Variants in TMEM17 observed in about 807,000 individuals in gnomAD.
The protein encoded by TMEM17 is transmembrane protein 17.
In TMEM17, 15 loss-of-function variants were observed where a neutral mutation model predicts 19.1. That is an observed-to-expected ratio of 0.78 (90% confidence interval 0.52 to 1.21). The LOEUF is 1.21. TMEM17 is among the 50% of genes most tolerant of loss of function. TMEM17 has a pLI of 0.00. For synonymous variants in TMEM17, 103 were observed against 86.9 expected (o/e 1.19, Z -1.03); for missense variants, 245 against 242.3 (o/e 1.01, Z -0.07).
At chr2:62,472,225 C>T in the TMEM17 span, among the ~76,000 whole-genome samples, 14 of 152,192 alleles carry the variant, frequency 9.2e-5, no homozygotes, top group African/African-American at 3.1e-4. Flanking sequence ...AAGTATTTTC[C>T]AACAAAAGCT....
the TMEM17 span, among the ~76,000 whole-genome samples, chr2:62,485,823 C>G: frequency 6.6e-6 from 1 of 152,204 alleles, no homozygotes; most frequent in Admixed American, 6.5e-5. Context: ...GTGTCTGCCC[C>G]AATCAGTGAA....
intron 1 of TMEM17, 65 bp from the exon 2 acceptor site, chr2:62,502,859 C>G: frequency 2.2e-6 from 2 of 906,858 alleles, no homozygotes; most frequent in Non-Finnish European, 3.3e-6. Context: ...TATATATATC[C>G]TATTCCCTAG....
Position 62,502,507 on chromosome 2 carries a change from A to G in TMEM17, c.248T>C (p.Val83Ala), listed in dbSNP as rs1679954661. 5.6e-6 allele frequency: 9 copies of G among 1,612,932 alleles called. No individual in the cohort carries two copies. Among genetic ancestry groups the G allele is most frequent in the Non-Finnish European group, 7.6e-6 (9 of 1,179,230 alleles). The change falls in exon 3 of 4, where the codon GTT (valine) becomes GCT (alanine). Residue 83 changes from valine to alanine, a missense_variant. Physicochemically the swap from Val to Ala is moderately conservative, Grantham distance 64. Transcript: ENST00000335390. ...PDYYKFIVITVIILITLIEAI... is the reference protein window; with the variant it reads ...PDYYKFIVITAIILITLIEAI... ...TTCAATTAAGGTTATTAGGATGATA[A>G]CAGTGATCACAATGAATTTGTAGTA...
At chr2:62,498,260 G>A (rs571604941), downstream of TMEM17, among the ~76,000 whole-genome samples, 17 of 152,046 alleles carry the variant, frequency 1.1e-4, no homozygotes, top group African/African-American at 3.9e-4. Flanking sequence ...GGTGGCAGGT[G>A]CCTGTAATCC....
At chr2:62,456,575 C>T in the TMEM17 span, among the ~76,000 whole-genome samples, 1 of 152,220 alleles carries the variant, frequency 6.6e-6, no homozygotes, top group African/African-American at 2.4e-5. Context: ...TCCGTTTTGC[C>T]ATGTAGGGTA....
chr2:62,474,834 C>T, the TMEM17 span, among the ~76,000 whole-genome samples: 1 of 152,148 alleles, frequency 6.6e-6, no homozygotes, highest in Non-Finnish European at 1.5e-5. Flanking sequence ...TTCCTCATCT[C>T]GTTCCTTGCC....
chr2:62,503,794 C>G (rs1679995377), intron 1 of TMEM17, among the ~76,000 whole-genome samples: 2 of 152,180 alleles, frequency 1.3e-5, no homozygotes, highest in South Asian at 4.1e-4. Flanking sequence ...CAGTGAATAT[C>G]AAATACACAT....
At chr2:62,464,558 C>A in the TMEM17 span, among the ~76,000 whole-genome samples, 3 of 152,168 alleles carry the variant, frequency 2.0e-5, no homozygotes, top group African/African-American at 7.2e-5. Context: ...AAGTGCATAA[C>A]CTCCATCTAA....
chr2:62,491,169 C>T, the TMEM17 span: 2 of 147,334 alleles, frequency 1.4e-5, no homozygotes, highest in East Asian at 4.1e-4. Flanking sequence ...CGCAATAGAA[C>T]CTCAATTAGC....
At chr2:62,457,762 C>G in the TMEM17 span, among the ~76,000 whole-genome samples, 1 of 152,216 alleles carries the variant, frequency 6.6e-6, no homozygotes, top group East Asian at 1.9e-4. The surrounding 1 kb of genome is among the most constrained non-coding windows in gnomAD (Gnocchi z 4.2). Flanking sequence ...CTTAGTTTAA[C>G]TGGGTGCGCT....
At chr2:62,473,540 C>A in the TMEM17 span, among the ~76,000 whole-genome samples, 3 of 152,192 alleles carry the variant, frequency 2.0e-5, no homozygotes, top group Non-Finnish European at 2.9e-5. Context: ...CTTTACCCCT[C>A]TCCTCCCCAC....
At chr2:62,466,615 G>A in the TMEM17 span, among the ~76,000 whole-genome samples, 5 of 152,164 alleles carry the variant, frequency 3.3e-5, no homozygotes, top group African/African-American at 1.2e-4. Flanking sequence ...CCCTCCCTGA[G>A]CTGGCACACT....
chr2:62,504,692 A>C (rs993969067), intron 1 of TMEM17, among the ~76,000 whole-genome samples: 3 of 152,226 alleles, frequency 2.0e-5, no homozygotes, highest in African/African-American at 7.2e-5. Context: ...CATACAATAT[A>C]AATCAGGGAT....
the TMEM17 span, among the ~76,000 whole-genome samples, chr2:62,464,365 C>T: frequency 2.0e-5 from 3 of 152,252 alleles, no homozygotes; most frequent in Non-Finnish European, 2.9e-5. Flanking sequence ...TTCCAGCACT[C>T]GTGCACTCCA....
the TMEM17 span, among the ~76,000 whole-genome samples, chr2:62,468,685 T>C: frequency 6.6e-6 from 1 of 152,232 alleles, no homozygotes; most frequent in Non-Finnish European, 1.5e-5. Context: ...AAGACCCTTA[T>C]GGTTCAGCTG....
At chr2:62,482,487 G>T in the TMEM17 span, among the ~76,000 whole-genome samples, 6 of 152,180 alleles carry the variant, frequency 3.9e-5, no homozygotes, top group Admixed American at 2.0e-4. Flanking sequence ...TTCCTGTGGG[G>T]AACTCATCCA....
chr2:62,458,238 A>C, the TMEM17 span, among the ~76,000 whole-genome samples: 1 of 152,216 alleles, frequency 6.6e-6, no homozygotes, highest in Non-Finnish European at 1.5e-5. Context: ...TGTCAAGTCC[A>C]GCTGATGGGC....
At chr2:62,466,683 T>C in the TMEM17 span, among the ~76,000 whole-genome samples, 1 of 152,168 alleles carries the variant, frequency 6.6e-6, no homozygotes, top group African/African-American at 2.4e-5. Context: ...CCAGGCAGAA[T>C]AGACCAACTG....
At chr2:62,489,771 A>T in the TMEM17 span, among the ~76,000 whole-genome samples, 1 of 152,152 alleles carries the variant, frequency 6.6e-6, no homozygotes, top group Admixed American at 6.5e-5. Flanking sequence ...CCCAATTTGA[A>T]CTCTGTTAAA....
Sources: allele counts gnomAD v4.1 joint callset (sites outside exome capture counted in the v4.1 genomes callset), GRCh38; gene constraint gnomAD v4.1.1; non-coding constraint Gnocchi (gnomAD v3.1); transcripts MANE v1.5; gene names NCBI Gene and HGNC (gene_info 2026-07-23, HGNC 2026-07-21).